DIAPH2: variants seen among roughly 807,000 people sequenced by gnomAD.
The protein encoded by DIAPH2 is diaphanous related formin 2, also known as protein diaphanous homolog 2.
A neutral mutation model predicts 92.7 loss-of-function variants in DIAPH2; 35 were observed. That is an observed-to-expected ratio of 0.38 (90% confidence interval 0.29 to 0.50). DIAPH2 has a LOEUF of 0.50. Among genes scored for constraint, DIAPH2 ranks in the 20% least tolerant of loss-of-function variants. The probability of loss-of-function intolerance (pLI) is 0.94; values close to 1 mark genes in which losing one functional copy is unlikely to be tolerated. For missense variants in DIAPH2, 701 were observed against 819.5 expected (o/e 0.86, Z 1.77); for synonymous variants, 301 against 280.4 (o/e 1.07, Z -0.73).
At chrX:97,445,683 G>C (rs2070303106) in intron 26 of DIAPH2, among the ~76,000 whole-genome samples, 2 of 108,149 alleles carry the variant, frequency 1.8e-5, no homozygotes, top group African/African-American at 6.7e-5. Context: ...CCTGACCTCA[G>C]GTGATCTGCC....
intron 4 of DIAPH2, among the ~76,000 whole-genome samples, chrX:96,761,725 C>T (rs1467302068): frequency 1.8e-5 from 2 of 110,779 alleles, no homozygotes; most frequent in African/African-American, 3.3e-5. Flanking sequence ...TAATTGTTAA[C>T]GCAGGCTCAC....
At chrX:97,270,494 G>A (rs1279612611) in intron 23 of DIAPH2, among the ~76,000 whole-genome samples, 1 of 111,916 alleles carries the variant, frequency 8.9e-6, no homozygotes, top group Non-Finnish European at 1.9e-5. Context: ...GGCTCTAGAG[G>A]TGGCAGCCTT....
At chrX:97,501,927 C>T (rs1218978913) in intron 26 of DIAPH2, among the ~76,000 whole-genome samples, 1 of 111,068 alleles carries the variant, frequency 9.0e-6, no homozygotes, top group African/African-American at 3.3e-5. Context: ...CTCAGCCTCC[C>T]GAGTAGCTGG....
At chrX:97,142,266 G>A (rs1012398365) in intron 22 of DIAPH2, among the ~76,000 whole-genome samples, 6 of 111,700 alleles carry the variant, frequency 5.4e-5, no homozygotes, top group African/African-American at 1.9e-4. Context: ...TCCTATAGTT[G>A]AGATGAGGAG....
intron 22 of DIAPH2, among the ~76,000 whole-genome samples, chrX:97,185,295 A>AAAAC: frequency 4.8e-5 from 1 of 20,771 alleles, no homozygotes; most frequent in South Asian, 2.7e-3. Context: ...ACCCTGTCTC[A>AAAAC]AAAAAAAAAA....
chrX:96,703,056 T>C (rs888497119), intron 1 of DIAPH2, among the ~76,000 whole-genome samples: 3 of 111,796 alleles, frequency 2.7e-5, no homozygotes, highest in African/African-American at 9.7e-5. Flanking sequence ...GCAAGAGAGC[T>C]AGGAAGTTAG....
chrX:97,113,518 A>G (rs1012636884), intron 20 of DIAPH2, among the ~76,000 whole-genome samples: 2 of 112,402 alleles, frequency 1.8e-5, no homozygotes, highest in Non-Finnish European at 3.8e-5. Flanking sequence ...TCTGCCTGTG[A>G]AAAGCATGAA....
At chrX:97,235,228 C>T (rs1473500598) in intron 22 of DIAPH2, among the ~76,000 whole-genome samples, 1 of 112,160 alleles carries the variant, frequency 8.9e-6, no homozygotes, top group African/African-American at 3.2e-5. Context: ...AAGGACTTTT[C>T]AGGAACATAT....
At chrX:96,922,927 A>G (rs2065555617) in intron 9 of DIAPH2, among the ~76,000 whole-genome samples, 1 of 111,571 alleles carries the variant, frequency 9.0e-6, no homozygotes, top group African/African-American at 3.3e-5. Flanking sequence ...CTTTGCTGAT[A>G]GAGAAGCAGT....
chrX:96,950,689 A>G (rs2065768934), intron 15 of DIAPH2, among the ~76,000 whole-genome samples: 1 of 111,797 alleles, frequency 8.9e-6, no homozygotes, highest in South Asian at 3.7e-4. Context: ...ATCTTCCTGA[A>G]ACAATTCCCT....
chrX:97,337,462 C>T (rs2069074188), intron 23 of DIAPH2, among the ~76,000 whole-genome samples: 1 of 111,120 alleles, frequency 9.0e-6, no homozygotes, highest in African/African-American at 3.3e-5. Flanking sequence ...ATGGTTTTAT[C>T]ACTGTCTGGC....
intron 22 of DIAPH2, among the ~76,000 whole-genome samples, chrX:97,173,461 A>T (rs2067468661): frequency 8.9e-6 from 1 of 112,406 alleles, no homozygotes; most frequent in Non-Finnish European, 1.9e-5. Flanking sequence ...TTGCACTCTT[A>T]TGATGCATGA....
At chrX:97,463,510 C>A (rs1356306153) in intron 26 of DIAPH2, among the ~76,000 whole-genome samples, 1 of 109,777 alleles carries the variant, frequency 9.1e-6, no homozygotes, top group African/African-American at 3.3e-5. Context: ...CCTGCCTCAG[C>A]CCCCCAAGTA....
intron 22 of DIAPH2, among the ~76,000 whole-genome samples, chrX:97,185,435 G>GTGTATATATATATA (rs2067585539): frequency 2.6e-5 from 1 of 39,177 alleles, no homozygotes; most frequent in Non-Finnish European, 3.8e-5. Flanking sequence ...ATATATATAT[G>GTGTATATATATATA]TGTATATATA....
At chrX:96,697,589 T>A (rs758588492) in intron 1 of DIAPH2, among the ~76,000 whole-genome samples, 1 of 110,945 alleles carries the variant, frequency 9.0e-6, no homozygotes, top group East Asian at 2.9e-4. Context: ...GAGGTTGCAG[T>A]GAGCCGAGAT....
At chrX:97,272,398 A>G (rs781739832) in intron 23 of DIAPH2, among the ~76,000 whole-genome samples, 1 of 111,914 alleles carries the variant, frequency 8.9e-6, no homozygotes, top group South Asian at 3.7e-4. Flanking sequence ...TACCTAACAT[A>G]ATTAGCCATG....
At chrX:97,171,037 C>T (rs780260875) in intron 22 of DIAPH2, among the ~76,000 whole-genome samples, 3 of 110,633 alleles carry the variant, frequency 2.7e-5, no homozygotes, top group South Asian at 3.9e-4. Context: ...CCACCACACC[C>T]GGCTAATTGT....
At chrX:97,324,343 T>G (rs1182567459) in intron 23 of DIAPH2, among the ~76,000 whole-genome samples, 3 of 112,094 alleles carry the variant, frequency 2.7e-5, no homozygotes, top group Non-Finnish European at 5.6e-5. Flanking sequence ...CATATAAAAT[T>G]CCTTTCATTA....
intron 26 of DIAPH2, among the ~76,000 whole-genome samples, chrX:97,583,833 G>A (rs760235086): frequency 1.8e-5 from 2 of 111,919 alleles, no homozygotes; most frequent in South Asian, 7.7e-4. Flanking sequence ...GAGACTCGGT[G>A]GGGTAGGGCC....
Sources: allele counts gnomAD v4.1 joint callset (sites outside exome capture counted in the v4.1 genomes callset), GRCh38; gene constraint gnomAD v4.1.1; transcripts MANE v1.5; gene names NCBI Gene and HGNC (gene_info 2026-07-23, HGNC 2026-07-21).